FHOD3: variants seen among roughly 807,000 people sequenced by gnomAD.
The protein encoded by FHOD3 is formin homology 2 domain containing 3.
FHOD3 carries 90 observed loss-of-function variants against 173.0 expected under a neutral mutation model. The observed-to-expected ratio is 0.52, with a 90% CI of 0.44 to 0.62. FHOD3 has a LOEUF of 0.62. Among genes scored for constraint, FHOD3 ranks in the 20% least tolerant of loss-of-function variants. The pLI is 0.00. For missense variants in FHOD3, 1,945 were observed against 2,034.7 expected (o/e 0.96, Z 0.85); for synonymous variants, 828 against 823.0 (o/e 1.01, Z -0.10).
intron 11 of FHOD3, among the ~76,000 whole-genome samples, chr18:36,651,749 T>C (rs1344370765): frequency 1.6e-5 from 2 of 125,202 alleles, no homozygotes; most frequent in Non-Finnish European, 3.3e-5. Flanking sequence ...AAAACTCTGC[T>C]CAAAAAAAAA....
At chr18:36,742,426 G>A (rs2041949334) in intron 21 of FHOD3, among the ~76,000 whole-genome samples, 2 of 152,194 alleles carry the variant, frequency 1.3e-5, no homozygotes, top group South Asian at 2.1e-4. Context: ...AGGAAGATGA[G>A]AAGGAAGAGT....
chr18:36,334,206 G>A (rs948936883), intron 1 of FHOD3, among the ~76,000 whole-genome samples: 2 of 152,190 alleles, frequency 1.3e-5, no homozygotes, highest in Admixed American at 6.5e-5. Flanking sequence ...CTCTGATTGT[G>A]TTAAAATAAG....
intron 14 of FHOD3, among the ~76,000 whole-genome samples, chr18:36,668,118 A>T (rs911120910): frequency 2.6e-5 from 4 of 152,178 alleles, no homozygotes; most frequent in Admixed American, 2.6e-4. Context: ...ATTTCATAGA[A>T]TTCACCATGA....
At chr18:36,609,654 G>A (rs1459539325) in intron 8 of FHOD3, among the ~76,000 whole-genome samples, 1 of 146,808 alleles carries the variant, frequency 6.8e-6, no homozygotes, top group East Asian at 2.0e-4. Flanking sequence ...CTGTCGCCCA[G>A]GCTGGAGTGC....
chr18:36,727,835 A>G (rs1359631840), intron 19 of FHOD3, among the ~76,000 whole-genome samples: 1 of 152,178 alleles, frequency 6.6e-6, no homozygotes, highest in Non-Finnish European at 1.5e-5. Context: ...ATGGGGCTGA[A>G]TCTCAGGGTG....
At chr18:36,393,024 T>C (rs2048375816) in intron 3 of FHOD3, among the ~76,000 whole-genome samples, 1 of 152,214 alleles carries the variant, frequency 6.6e-6, no homozygotes, top group South Asian at 2.1e-4. Context: ...TGCCTGTGCT[T>C]AGAGGTCTGA....
intron 14 of FHOD3, among the ~76,000 whole-genome samples, chr18:36,667,665 G>A (rs1366694219): frequency 6.6e-6 from 1 of 152,062 alleles, no homozygotes; most frequent in Admixed American, 6.5e-5. Flanking sequence ...TCTATGTGGG[G>A]TACTCACCAT....
chr18:36,610,054 C>G (rs1797297105), intron 8 of FHOD3, among the ~76,000 whole-genome samples: 1 of 152,210 alleles, frequency 6.6e-6, no homozygotes, highest in Non-Finnish European at 1.5e-5. Flanking sequence ...CCTCAGTTGA[C>G]TCCCAGAAAG....
intron 16 of FHOD3, among the ~76,000 whole-genome samples, chr18:36,689,144 G>C (rs1006639417): frequency 2.0e-5 from 3 of 152,272 alleles, no homozygotes; most frequent in African/African-American, 7.2e-5. Context: ...GGGAGTTAGG[G>C]GAAATATAGA....
chr18:36,552,584 C>T (rs867809882), intron 5 of FHOD3, among the ~76,000 whole-genome samples: 67 of 151,550 alleles, frequency 4.4e-4, no homozygotes, highest in African/African-American at 1.5e-3. Flanking sequence ...CTGCAAGCTC[C>T]GCCTCCCAGG....
intron 4 of FHOD3, among the ~76,000 whole-genome samples, chr18:36,509,001 G>A (rs1218402122): frequency 2.0e-5 from 3 of 152,002 alleles, no homozygotes; most frequent in East Asian, 3.9e-4. Context: ...AATCACCTCT[G>A]GATCTACATG....
intron 2 of FHOD3, among the ~76,000 whole-genome samples, chr18:36,363,990 T>C (rs532244972): frequency 2.0e-5 from 3 of 152,292 alleles, no homozygotes; most frequent in South Asian, 4.1e-4. Context: ...TGGATAATTA[T>C]ACAGTTTCAA....
intron 14 of FHOD3, among the ~76,000 whole-genome samples, chr18:36,665,908 C>A (rs2037149949): frequency 6.6e-6 from 1 of 152,180 alleles, no homozygotes; most frequent in African/African-American, 2.4e-5. Flanking sequence ...GGGGCTGTGA[C>A]AGGAGAGGAC....
intron 17 of FHOD3, among the ~76,000 whole-genome samples, chr18:36,701,981 C>T (rs768409393): frequency 3.4e-4 from 52 of 152,344 alleles, no homozygotes; most frequent in Middle Eastern, 6.8e-3. Context: ...CAAAGCATGG[C>T]TTAACTTTTA....
chr18:36,730,635 T>C lies in FHOD3; in HGVS notation c.3418-11T>C, dbSNP rs2041309378. 6.2e-7 allele frequency: 1 copy of C among 1,608,762 alleles called. No homozygotes were observed. The highest frequency in any genetic ancestry group is 1.1e-5 in the South Asian group (1 of 89,556). ...TGCATTAATCTTGGATTCTCCTTTTTTATCACTAAGAAAACTGCTGCAGAT... is the reference window on the plus strand; with the variant it reads ...TGCATTAATCTTGGATTCTCCTTTTCTATCACTAAGAAAACTGCTGCAGAT... On this transcript the variant is annotated splice_polypyrimidine_tract_variant and intron_variant, in intron 19 of 28. Coordinates refer to ENST00000590592, the MANE Select transcript of FHOD3 (RefSeq NM_001281740.3).
At chr18:36,612,375 G>A (rs540804495) in intron 9 of FHOD3, among the ~76,000 whole-genome samples, 13 of 152,280 alleles carry the variant, frequency 8.5e-5, no homozygotes, top group East Asian at 3.9e-4. Context: ...AGAACATGCC[G>A]TTTGTCAGCG....
chr18:36,372,258 T>C (rs561620425), intron 2 of FHOD3, among the ~76,000 whole-genome samples: 19 of 152,308 alleles, frequency 1.2e-4, no homozygotes, highest in African/African-American at 3.8e-4. Flanking sequence ...GATTACCCCA[T>C]GATGTGTTCC....
chr18:36,597,170 T>C (rs1290293360), intron 7 of FHOD3, among the ~76,000 whole-genome samples: 1 of 152,128 alleles, frequency 6.6e-6, no homozygotes, highest in Non-Finnish European at 1.5e-5. Flanking sequence ...AGCTCGGAGT[T>C]CCCTTCCTTG....
intron 17 of FHOD3, among the ~76,000 whole-genome samples, chr18:36,699,793 AC>A (rs2039481840): frequency 6.6e-6 from 1 of 152,166 alleles, no homozygotes; most frequent in South Asian, 2.1e-4. Context: ...GGGTTCAGTG[AC>A]CATGCAGTGT....
Sources: allele counts gnomAD v4.1 joint callset (sites outside exome capture counted in the v4.1 genomes callset), GRCh38; gene constraint gnomAD v4.1.1; transcripts MANE v1.5; gene names NCBI Gene and HGNC (gene_info 2026-07-23, HGNC 2026-07-21).